Variants in DRC9 observed in about 807,000 individuals in gnomAD.
DRC9 encodes dynein regulatory complex protein 9.
the DRC9 span, among the ~76,000 whole-genome samples, chr3:197,915,816 A>G: frequency 6.6e-6 from 1 of 151,786 alleles, no homozygotes; most frequent in South Asian, 2.1e-4. Flanking sequence ...TTTAGTAGAG[A>G]TGGGGTTTCT....
At chr3:197,931,137 C>T in the DRC9 span, among the ~76,000 whole-genome samples, 1 of 151,842 alleles carries the variant, frequency 6.6e-6, no homozygotes, top group Non-Finnish European at 1.5e-5. Context: ...GGTAAATGAG[C>T]AAAAAAGGAC....
the DRC9 span, chr3:197,912,918 G>A: frequency 3.9e-5 from 25 of 635,604 alleles, no homozygotes; most frequent in Non-Finnish European, 6.5e-5. Context: ...GAGCCACGTG[G>A]CGCGGCACTG....
the DRC9 span, among the ~76,000 whole-genome samples, chr3:197,910,516 CA>C: frequency 6.6e-6 from 1 of 152,106 alleles, no homozygotes; most frequent in Non-Finnish European, 1.5e-5. Flanking sequence ...AATAGCCTAC[CA>C]GGTATTTTTT....
the DRC9 span, among the ~76,000 whole-genome samples, chr3:197,925,590 T>G: frequency 1.3e-5 from 2 of 148,592 alleles, no homozygotes; most frequent in South Asian, 2.1e-4. Context: ...ATCTTCTGTT[T>G]TTTTTTTTTT....
chr3:197,929,300 C>G, the DRC9 span, among the ~76,000 whole-genome samples: 1 of 152,312 alleles, frequency 6.6e-6, no homozygotes, highest in East Asian at 1.9e-4. The surrounding 1 kb of genome is among the most constrained non-coding windows in gnomAD (Gnocchi z 4.6). Context: ...TTGGTAGATT[C>G]TTCGAGAATG....
the DRC9 span, among the ~76,000 whole-genome samples, chr3:197,931,830 T>A: frequency 6.6e-6 from 1 of 151,950 alleles, no homozygotes; most frequent in Non-Finnish European, 1.5e-5. Flanking sequence ...TTTCACCGTG[T>A]TAGCCAGGAT....
At chr3:197,951,539 G>GAC in the DRC9 span, 3 of 514,834 alleles carry the variant, frequency 5.8e-6, no homozygotes, top group Non-Finnish European at 1.0e-5. Context: ...TATTAGTAGA[G>GAC]ACAGGGTATT....
the DRC9 span, chr3:197,944,048 G>A: frequency 6.2e-7 from 1 of 1,609,346 alleles, no homozygotes; most frequent in African/African-American, 1.3e-5. Context: ...CTTCCAGGCT[G>A]TCTCTAAGGA....
chr3:197,903,702 A>C, the DRC9 span, among the ~76,000 whole-genome samples: 1,744 of 152,250 alleles, frequency 0.011, 20 homozygotes, highest in South Asian at 0.024. Flanking sequence ...GTGAAAAGAC[A>C]ACCCAAAGAA....
the DRC9 span, chr3:197,892,638 A>G: frequency 1.2e-6 from 2 of 1,602,336 alleles, no homozygotes; most frequent in Non-Finnish European, 1.7e-6. Context: ...CATCTTTGCC[A>G]GGTCTTGAAG....
At chr3:197,926,770 T>A in the DRC9 span, among the ~76,000 whole-genome samples, 1 of 152,168 alleles carries the variant, frequency 6.6e-6, no homozygotes, top group Non-Finnish European at 1.5e-5. Context: ...GCTCAAGGAC[T>A]CTTGATGACC....
At chr3:197,926,424 A>G in the DRC9 span, among the ~76,000 whole-genome samples, 1 of 152,246 alleles carries the variant, frequency 6.6e-6, no homozygotes, top group Non-Finnish European at 1.5e-5. Flanking sequence ...AGAGAAGGAC[A>G]GCAAGAGGAG....
the DRC9 span, among the ~76,000 whole-genome samples, chr3:197,893,378 A>AAAAAAAC: frequency 6.6e-6 from 1 of 151,242 alleles, no homozygotes; most frequent in African/African-American, 2.4e-5. Flanking sequence ...AAAAAAAAAA[A>AAAAAAAC]AATAGGGGGA....
chr3:197,890,475 T>C, the DRC9 span, among the ~76,000 whole-genome samples: 14 of 152,162 alleles, frequency 9.2e-5, no homozygotes, highest in Non-Finnish European at 1.8e-4. Flanking sequence ...ATTTCATATC[T>C]TTAGTGATTG....
the DRC9 span, among the ~76,000 whole-genome samples, chr3:197,929,354 G>T: frequency 6.6e-6 from 1 of 152,190 alleles, no homozygotes; most frequent in African/African-American, 2.4e-5. The surrounding 1 kb of genome is among the most constrained non-coding windows in gnomAD (Gnocchi z 4.6). Flanking sequence ...TTTCTGCCCA[G>T]CCATGCTACA....
the DRC9 span, among the ~76,000 whole-genome samples, chr3:197,954,872 A>G: frequency 2.0e-5 from 3 of 152,188 alleles, no homozygotes; most frequent in African/African-American, 7.2e-5. Context: ...GAAAGCAACA[A>G]TTCAACAGTT....
At chr3:197,930,752 A>T in the DRC9 span, among the ~76,000 whole-genome samples, 14 of 149,020 alleles carry the variant, frequency 9.4e-5, no homozygotes, top group Non-Finnish European at 4.4e-5. Context: ...AAAAAAAAAA[A>T]AGAAAGAAAA....
At chr3:197,892,933 A>AG in the DRC9 span, among the ~76,000 whole-genome samples, 1 of 152,174 alleles carries the variant, frequency 6.6e-6, no homozygotes, top group African/African-American at 2.4e-5. Context: ...AATGGGGGTG[A>AG]GGGGGACTTT....
the DRC9 span, chr3:197,959,926 G>A: frequency 6.3e-6 from 3 of 473,136 alleles, no homozygotes; most frequent in Non-Finnish European, 1.1e-5. Context: ...GTAGGTGCAT[G>A]TCACTTTGGT....
Sources: allele counts gnomAD v4.1 joint callset (sites outside exome capture counted in the v4.1 genomes callset), GRCh38; gene constraint gnomAD v4.1.1; non-coding constraint Gnocchi (gnomAD v3.1); transcripts MANE v1.5; gene names NCBI Gene and HGNC (gene_info 2026-07-23, HGNC 2026-07-21).